The following ANO4 variants were observed in gnomAD, a reference collection of about 807,000 sequenced individuals.
ANO4 encodes the protein anoctamin-4.
Under a neutral mutation model 141.9 loss-of-function variants are expected in ANO4, and 69 were observed. The observed-to-expected ratio is 0.49, with a 90% CI of 0.40 to 0.59. The LOEUF (loss-of-function observed/expected upper bound fraction) is 0.59, where lower values mean the gene tolerates loss of function less well. ANO4 is among the 20% of genes least tolerant of loss of function. The probability of loss-of-function intolerance (pLI) is 0.00; values close to 1 mark genes in which losing one functional copy is unlikely to be tolerated. For synonymous variants in ANO4, 350 were observed against 394.3 expected (o/e 0.89, Z 1.33); for missense variants, 894 against 1,162.2 (o/e 0.77, Z 3.36).
intron 1 of ANO4, among the ~76,000 whole-genome samples, chr12:100,900,505 A>G (rs919233570): frequency 7.1e-6 from 1 of 140,618 alleles, no homozygotes. Flanking sequence ...CCTGTGTCCA[A>G]GTGTTCTCAT....
At chr12:100,933,268 G>A (rs972669312) in intron 3 of ANO4, among the ~76,000 whole-genome samples, 7 of 151,594 alleles carry the variant, frequency 4.6e-5, no homozygotes, top group South Asian at 2.1e-4. Flanking sequence ...ATCCCTCCCC[G>A]AGCCCCCCAT....
chr12:101,070,308 T>TA (rs1429826388), intron 14 of ANO4, among the ~76,000 whole-genome samples: 4 of 151,930 alleles, frequency 2.6e-5, no homozygotes, highest in African/African-American at 9.7e-5. Flanking sequence ...AGTACTAGCA[T>TA]AAAAAAACAG....
intron 3 of ANO4, among the ~76,000 whole-genome samples, chr12:100,765,170 A>C (rs2033024488): frequency 6.6e-6 from 1 of 152,052 alleles, no homozygotes; most frequent in Non-Finnish European, 1.5e-5. Context: ...CTATTTCTTC[A>C]TGATTCAGTC....
chr12:100,772,395 C>T (rs1256951088), intron 3 of ANO4, among the ~76,000 whole-genome samples: 1 of 152,188 alleles, frequency 6.6e-6, no homozygotes, highest in African/African-American at 2.4e-5. Context: ...TCTACTGCTT[C>T]TACTCCTCTG....
At chr12:101,043,695 T>A in intron 13 of ANO4, 60 bp downstream of exon 13, 29 of 1,230,196 alleles carry the variant, frequency 2.4e-5, no homozygotes, top group Non-Finnish European at 3.0e-5. Flanking sequence ...TCCTGAGGGA[T>A]GGTGGGTAAC....
intron 19 of ANO4, among the ~76,000 whole-genome samples, chr12:101,096,916 T>G (rs1251809794): frequency 6.6e-6 from 1 of 152,202 alleles, no homozygotes; most frequent in African/African-American, 2.4e-5. Flanking sequence ...TGAAAACTTC[T>G]GGCCTCTGTC....
rs1310837684 is a variant in ANO4 at position 101,127,909 on chromosome 12, T to C, written c.*53T>C. 1 of 152,576 alleles carries C rather than the reference T, an allele frequency of 6.6e-6. No individual in the cohort carries two copies. The highest frequency in any genetic ancestry group is 3.2e-3 in the Middle Eastern group (1 of 316). The allele number at this position is 152,576 out of a possible 1,614,324, so 9.5% of individuals were successfully genotyped here. A position where few individuals can be genotyped will look rare whatever the true frequency, so the allele number is the denominator to read the frequency against. ...GGACCTGAATTCTGTTTACTTCTTC[T>C]GGCTGTGCAAAAGCACACTCAAGTG... On this transcript the variant is annotated 3_prime_UTR_variant, in exon 28 of 28. Coordinates refer to ENST00000392977, the MANE Select transcript of ANO4 (RefSeq NM_001286615.2).
chr12:100,895,292 G>T (rs1347107479), intron 1 of ANO4, among the ~76,000 whole-genome samples: 1 of 152,112 alleles, frequency 6.6e-6, no homozygotes, highest in East Asian at 1.9e-4. Flanking sequence ...GCATTGCTGT[G>T]AGTTGTAAAA....
rs548955363 is a variant in ANO4 at position 100,960,043 on chromosome 12, G to A, written c.457-11263G>A. Among the ~76,000 whole-genome samples, 5 of 152,120 alleles carry A rather than the reference G, an allele frequency of 3.3e-5. No homozygotes were observed. The South Asian group carries it at 1.0e-3, about 32-fold the overall frequency. ...ATCCAGACACCTGCCTCTGGGGCAG[G>A]GAAACACAAATCACACACCAGACTT... On this transcript the variant is annotated intron_variant, in intron 5 of 27. Transcript: ENST00000392977.
chr12:100,963,351 G>A (rs887488344), intron 5 of ANO4, among the ~76,000 whole-genome samples: 1 of 152,180 alleles, frequency 6.6e-6, no homozygotes, highest in African/African-American at 2.4e-5. Flanking sequence ...CTACTAAGGG[G>A]GAGGGAGTGG....
chr12:101,032,402 G>A (rs140992936), intron 9 of ANO4, among the ~76,000 whole-genome samples: 558 of 152,122 alleles, frequency 3.7e-3, no homozygotes, highest in Non-Finnish European at 5.1e-3. Context: ...AAACTGGACC[G>A]CTTGCTTACG....
intron 3 of ANO4, among the ~76,000 whole-genome samples, chr12:100,749,527 G>A (rs1165349146): frequency 3.3e-5 from 5 of 152,106 alleles, no homozygotes; most frequent in Non-Finnish European, 5.9e-5. Flanking sequence ...CGATTCCAGC[G>A]GAGTCCTGTT....
intron 1 of ANO4, among the ~76,000 whole-genome samples, chr12:100,867,747 A>T (rs75493034): frequency 0.048 from 7,259 of 152,290 alleles, 255 homozygotes; most frequent in Admixed American, 0.099. Context: ...TGAAGATAAC[A>T]TAGGAATTAT....
At chr12:100,952,937 C>T (rs1305891798) in intron 5 of ANO4, among the ~76,000 whole-genome samples, 10 of 152,118 alleles carry the variant, frequency 6.6e-5, no homozygotes, top group African/African-American at 9.7e-5. Flanking sequence ...ATATAACTCA[C>T]GCATATTACT....
At chr12:100,896,504 G>C (rs1293413845) in intron 1 of ANO4, among the ~76,000 whole-genome samples, 2 of 152,210 alleles carry the variant, frequency 1.3e-5, no homozygotes, top group Non-Finnish European at 2.9e-5. Context: ...TTGCACTTCT[G>C]TGGAAACAGG....
chr12:100,785,500 G>A (rs534305239), intron 3 of ANO4, among the ~76,000 whole-genome samples: 1 of 152,228 alleles, frequency 6.6e-6, no homozygotes, highest in African/African-American at 2.4e-5. Flanking sequence ...TATATCATAT[G>A]TAGCCTTCTC....
At chr12:101,000,048 TAA>T (rs34706681) in intron 8 of ANO4, among the ~76,000 whole-genome samples, 26 of 122,616 alleles carry the variant, frequency 2.1e-4, no homozygotes, top group Admixed American at 3.4e-4. Flanking sequence ...GACTCCATCT[TAA>T]AAAAAAAAAA....
At chr12:101,004,229 C>T (rs2045777395) in intron 8 of ANO4, among the ~76,000 whole-genome samples, 1 of 152,016 alleles carries the variant, frequency 6.6e-6, no homozygotes, top group Non-Finnish European at 1.5e-5. Flanking sequence ...GAAGCAGCTA[C>T]TGCCTCTAGA....
intron 2 of ANO4, among the ~76,000 whole-genome samples, chr12:100,908,912 T>A (rs1502453): frequency 1 from 152,327 of 152,330 alleles, 76,162 homozygotes; most frequent in Middle Eastern, 1. Context: ...GTTTACAAAC[T>A]TTTATGAGGG....
Sources: gnomAD v4.1 joint callset for allele counts (sites outside exome capture counted in the v4.1 genomes callset) on GRCh38, gnomAD v4.1.1 for gene constraint, MANE v1.5 for transcripts, NCBI Gene and HGNC (gene_info 2026-07-23, HGNC 2026-07-21) for gene names.